Variants in DHRS9 observed in about 807,000 individuals in gnomAD.
The protein encoded by DHRS9 is dehydrogenase/reductase 9, also known as dehydrogenase/reductase SDR family member 9.
A neutral mutation model predicts 26.6 loss-of-function variants in DHRS9; 18 were observed. The ratio of observed to expected loss-of-function variants is 0.68; its 90% confidence interval spans 0.47 to 1.00. The LOEUF is 1.00. Among genes scored for constraint, DHRS9 ranks in the 50% least tolerant of loss-of-function variants. The probability of loss-of-function intolerance (pLI) is 0.00; values close to 1 mark genes in which losing one functional copy is unlikely to be tolerated. For missense variants in DHRS9, 425 were observed against 378.7 expected (o/e 1.12, Z -1.01); for synonymous variants, 134 against 141.1 (o/e 0.95, Z 0.36).
chr2:169,087,192 C>A (rs1367011494), intron 3 of DHRS9, among the ~76,000 whole-genome samples: 2 of 152,152 alleles, frequency 1.3e-5, no homozygotes, highest in African/African-American at 2.4e-5. Context: ...ATCCAAACCA[C>A]AATACAAAGT....
At chr2:169,068,272 A>G (rs138904278), upstream of DHRS9, among the ~76,000 whole-genome samples, 11 of 152,348 alleles carry the variant, frequency 7.2e-5, no homozygotes, top group East Asian at 2.1e-3. Flanking sequence ...AAGCATATTT[A>G]GCACATTTGG....
At chr2:169,085,824 A>G (rs531801063) in intron 3 of DHRS9, among the ~76,000 whole-genome samples, 2 of 152,318 alleles carry the variant, frequency 1.3e-5, no homozygotes, top group South Asian at 4.1e-4. Context: ...AAACAAGGAT[A>G]ATTTGACTTC....
chr2:169,093,268 C>G (rs1684589679), intron 4 of DHRS9, among the ~76,000 whole-genome samples: 1 of 151,918 alleles, frequency 6.6e-6, no homozygotes, highest in African/African-American at 2.4e-5. Flanking sequence ...GAGCTGAAAG[C>G]CAAGTCAGAC....
chr2:169,071,875 A>C (rs1319826102), intron 1 of DHRS9, among the ~76,000 whole-genome samples: 1 of 152,136 alleles, frequency 6.6e-6, no homozygotes, highest in Non-Finnish European at 1.5e-5. Flanking sequence ...GCCATTAAAA[A>C]ATTTTTTTTT....
intron 3 of DHRS9, among the ~76,000 whole-genome samples, chr2:169,084,497 A>G (rs1684291127): frequency 1.3e-5 from 2 of 152,098 alleles, no homozygotes; most frequent in African/African-American, 2.4e-5. Context: ...CATCATCAGC[A>G]TTTGTTATTG....
intron 4 of DHRS9, among the ~76,000 whole-genome samples, chr2:169,094,559 T>C (rs1325397615): frequency 6.6e-6 from 1 of 151,684 alleles, no homozygotes; most frequent in Non-Finnish European, 1.5e-5. Context: ...TTTTTTTTTT[T>C]TAATAGAGAT....
chr2:169,067,375 C>G, upstream of DHRS9: 2 of 1,446,506 alleles, frequency 1.4e-6, no homozygotes, highest in Non-Finnish European at 1.8e-6. Context: ...CTGAGACAGC[C>G]TCAGATCTGA....
In DHRS9 at chr2:169,095,645, C is replaced by A. The variant is rs766138280; in HGVS notation, c.838C>A (p.His280Asn). ...HALTSLFPKT[H>N]YAAGKDAKIF... ...TCTAACAAGTCTCTTCCCTAAGACT[C>A]ATTATGCCGCTGGAAAAGATGCCAA... is the stretch of plus-strand genomic sequence containing the variant. Residue 280 changes from histidine (H) to asparagine (N), a missense_variant, in exon 5 of 5, where the codon CAT becomes AAT. By Grantham distance (68) the His-to-Asn change is moderately conservative. Coordinates refer to ENST00000674881, the MANE Select transcript of DHRS9 (RefSeq NM_001376924.1). 5 of 1,613,896 alleles carry A rather than the reference C, an allele frequency of 3.1e-6. No homozygotes were observed. The highest frequency in any genetic ancestry group is 2.7e-5 in the African/African-American group (2 of 74,926).
chr2:169,076,949 A>G (rs762609007), intron 1 of DHRS9, among the ~76,000 whole-genome samples: 8 of 152,208 alleles, frequency 5.3e-5, no homozygotes, highest in Non-Finnish European at 1.2e-4. Flanking sequence ...GATCATCATA[A>G]TGGTCTTCAC....
At position 169,080,229 on chromosome 2, in the gene DHRS9, T is replaced by G. The variant is rs72623186; in HGVS notation, c.-59-1294T>G. Among the ~76,000 whole-genome samples, 1,333 of 152,144 alleles carry G rather than the reference T, an allele frequency of 8.8e-3. 48 individuals carry two copies. In the East Asian group the frequency reaches 0.13, roughly 15 times the overall value. On this transcript the variant is annotated intron_variant, in intron 1 of 4. Coordinates refer to ENST00000674881, the MANE Select transcript of DHRS9 (RefSeq NM_001376924.1). ...CTGGAGTCTCAGGGTGGGTCAAGAT[T>G]AAGGGCAAAGATATTGCGTGGACAC...
Position 169,095,774 on chromosome 2 carries a change from T to C in DHRS9, c.*7T>C, listed in dbSNP as rs750719139. 1 of 1,612,044 alleles carries C rather than the reference T, an allele frequency of 6.2e-7. No homozygotes were observed. The highest frequency in any genetic ancestry group is 8.5e-7 in the Non-Finnish European group (1 of 1,178,696). Reference sequence around the variant, plus strand: ...TAATCCCAAGGCAGTGTGACTCAGCTAACCACAAATGTCTCCTCCAGGCTA... The same window carrying C: ...TAATCCCAAGGCAGTGTGACTCAGCCAACCACAAATGTCTCCTCCAGGCTA... On this transcript the variant is annotated 3_prime_UTR_variant, in exon 5 of 5. Transcript: ENST00000674881.
chr2:169,085,096 C>G (rs546701836), intron 3 of DHRS9, among the ~76,000 whole-genome samples: 110 of 152,270 alleles, frequency 7.2e-4, no homozygotes, highest in Non-Finnish European at 1.3e-3. Flanking sequence ...AAAGACTATC[C>G]TTTCCCCAAT....
intron 4 of DHRS9, among the ~76,000 whole-genome samples, chr2:169,092,422 A>G (rs549505410): frequency 5.3e-4 from 81 of 152,362 alleles, no homozygotes; most frequent in Middle Eastern, 3.4e-3. Context: ...TCTGACCTTT[A>G]GTTTACAACC....
intron 1 of DHRS9, among the ~76,000 whole-genome samples, chr2:169,078,600 G>A (rs1173308384): frequency 6.6e-6 from 1 of 152,082 alleles, no homozygotes; most frequent in Non-Finnish European, 1.5e-5. Context: ...CATTTATAAT[G>A]TATTTGAGAA....
At chr2:169,082,065 G>A (rs1221583073) in intron 2 of DHRS9, among the ~76,000 whole-genome samples, 171 bp downstream of exon 2, 3 of 152,086 alleles carry the variant, frequency 2.0e-5, no homozygotes, top group Non-Finnish European at 2.9e-5. Context: ...CCAAGTACAG[G>A]CTGTCTGTGT....
At chr2:169,067,318 G>A, upstream of DHRS9, 1 of 1,529,448 alleles carries the variant, frequency 6.5e-7, no homozygotes, top group Non-Finnish European at 8.7e-7. Flanking sequence ...CTGTGACTTA[G>A]ACCATCCCCA....
intron 1 of DHRS9, among the ~76,000 whole-genome samples, chr2:169,079,729 CA>C (rs1348230703): frequency 1.3e-5 from 2 of 151,180 alleles, no homozygotes; most frequent in African/African-American, 4.9e-5. Context: ...GTAATGGTGG[CA>C]GGTGCTTGTA....
intron 1 of DHRS9, chr2:169,070,014 T>G: frequency 3.5e-6 from 3 of 859,580 alleles, no homozygotes; most frequent in Non-Finnish European, 4.2e-6. Context: ...CTGTGCCTTC[T>G]TGACACTATC....
At chr2:169,079,496 A>G (rs1157749110) in intron 1 of DHRS9, among the ~76,000 whole-genome samples, 3 of 152,152 alleles carry the variant, frequency 2.0e-5, no homozygotes, top group African/African-American at 7.2e-5. Flanking sequence ...TACTTTTACA[A>G]GCAGAAAAAA....
Sources: allele counts gnomAD v4.1 joint callset (sites outside exome capture counted in the v4.1 genomes callset), GRCh38; gene constraint gnomAD v4.1.1; transcripts MANE v1.5; gene names NCBI Gene and HGNC (gene_info 2026-07-23, HGNC 2026-07-21).